The following SEZ6L variants were observed in gnomAD, a reference collection of about 807,000 sequenced individuals.
The protein encoded by SEZ6L is seizure 6-like protein.
A neutral mutation model predicts 106.2 loss-of-function variants in SEZ6L; 37 were observed. The observed-to-expected ratio is 0.35, with a 90% CI of 0.27 to 0.46. The LOEUF (loss-of-function observed/expected upper bound fraction) is 0.46. SEZ6L is among the 20% of genes least tolerant of loss of function. The pLI, the probability that SEZ6L is intolerant of heterozygous loss-of-function variation, is 1.00. For synonymous variants in SEZ6L, 541 were observed against 570.4 expected, an observed-to-expected ratio of 0.95 and a Z score of 0.73; for missense variants, 1,172 against 1,332.8, an observed-to-expected ratio of 0.88 and a Z score of 1.88.
rs531002774 is a variant in SEZ6L at position 26,201,669 on chromosome 22, A to G, written c.94+31906A>G. On this transcript the variant is annotated intron_variant, in intron 1 of 16. Coordinates refer to ENST00000248933, the MANE Select transcript of SEZ6L (RefSeq NM_021115.5). ...CAATGACTACTTATATTTAAAGCCCATACTACCACTGCTTGTGACAACTGC... is the reference window on the plus strand; with the variant it reads ...CAATGACTACTTATATTTAAAGCCCGTACTACCACTGCTTGTGACAACTGC... Among the ~76,000 whole-genome samples, 153 of 152,338 alleles carry G rather than the reference A, an allele frequency of 1.0e-3. 1 individual carries two copies. The highest frequency in any genetic ancestry group is 3.6e-3 in the African/African-American group (151 of 41,594).
At chr22:26,306,246 G>T (rs1269537251) in intron 6 of SEZ6L, 102 bp downstream of exon 6, 12 of 1,327,546 alleles carry the variant, frequency 9.0e-6, no homozygotes, top group Non-Finnish European at 1.2e-5. Context: ...TTGACCCTCG[G>T]AATTCAAGAA....
At chr22:26,188,223 T>C (rs1009494444) in intron 1 of SEZ6L, among the ~76,000 whole-genome samples, 2 of 152,250 alleles carry the variant, frequency 1.3e-5, no homozygotes, top group East Asian at 3.8e-4. Flanking sequence ...ATATCCACTT[T>C]GTTTTAGTTA....
At chr22:26,308,153 A>G (rs1314969773) in intron 6 of SEZ6L, among the ~76,000 whole-genome samples, 2 of 152,200 alleles carry the variant, frequency 1.3e-5, no homozygotes, top group Non-Finnish European at 2.9e-5. Context: ...ATACCACAAT[A>G]TGTCAGTTGC....
chr22:26,315,515 A>G (rs1392470734), intron 9 of SEZ6L, among the ~76,000 whole-genome samples: 1 of 152,018 alleles, frequency 6.6e-6, no homozygotes, highest in Non-Finnish European at 1.5e-5. Flanking sequence ...CTGTCCCAGA[A>G]CCTCCTTCTC....
intron 1 of SEZ6L, among the ~76,000 whole-genome samples, chr22:26,201,610 A>G (rs1314949517): frequency 1.3e-5 from 2 of 152,080 alleles, no homozygotes; most frequent in African/African-American, 4.8e-5. Flanking sequence ...TGGAGGCGGT[A>G]GAAGGGTGGG....
chr22:26,331,406 C>T (rs2082476428), intron 9 of SEZ6L, among the ~76,000 whole-genome samples: 2 of 152,134 alleles, frequency 1.3e-5, no homozygotes, highest in Non-Finnish European at 2.9e-5. Flanking sequence ...AATTGAGTTT[C>T]CCATCCTTCC....
chr22:26,213,053 T>C (rs1157125107), intron 1 of SEZ6L, among the ~76,000 whole-genome samples: 2 of 152,096 alleles, frequency 1.3e-5, no homozygotes, highest in African/African-American at 4.8e-5. Flanking sequence ...GAGGGCTGGG[T>C]TCTAAATCCT....
At chr22:26,205,893 C>T (rs1413294267) in intron 1 of SEZ6L, among the ~76,000 whole-genome samples, 2 of 152,064 alleles carry the variant, frequency 1.3e-5, no homozygotes, top group Non-Finnish European at 2.9e-5. Flanking sequence ...GCTGTCCAGG[C>T]CACCATTCCC....
intron 1 of SEZ6L, among the ~76,000 whole-genome samples, chr22:26,277,086 T>G (rs1245359922): frequency 6.6e-6 from 1 of 150,874 alleles, no homozygotes; most frequent in South Asian, 2.1e-4. Context: ...TAATTACTCT[T>G]GTAGCCGAAA....
At chr22:26,175,391 T>C (rs1263762262) in intron 1 of SEZ6L, among the ~76,000 whole-genome samples, 1 of 152,194 alleles carries the variant, frequency 6.6e-6, no homozygotes, top group African/African-American at 2.4e-5. Context: ...AAACCAAGGC[T>C]TAGAGAAGCT....
At chr22:26,301,922 G>A (rs1401621716) in intron 5 of SEZ6L, among the ~76,000 whole-genome samples, 2 of 152,232 alleles carry the variant, frequency 1.3e-5, no homozygotes, top group African/African-American at 4.8e-5. Context: ...GTCATGAGAA[G>A]ACAGGTGGAC....
intron 1 of SEZ6L, among the ~76,000 whole-genome samples, chr22:26,288,915 CA>C (rs142640451): frequency 4.0e-5 from 6 of 150,998 alleles, no homozygotes; most frequent in East Asian, 1.9e-4. Flanking sequence ...CCAGATAACC[CA>C]AAAAAAAACC....
At chr22:26,339,403 T>G (rs753089207) in intron 9 of SEZ6L, among the ~76,000 whole-genome samples, 49 of 152,244 alleles carry the variant, frequency 3.2e-4, no homozygotes, top group Non-Finnish European at 5.9e-4. Flanking sequence ...TTATCTGGCA[T>G]TCTTTCAATT....
At chr22:26,315,157 C>T (rs919810823) in intron 9 of SEZ6L, among the ~76,000 whole-genome samples, 2 of 152,152 alleles carry the variant, frequency 1.3e-5, no homozygotes, top group African/African-American at 2.4e-5. Context: ...TATTAGTGAC[C>T]GGCTTTTGAG....
chr22:26,219,924 C>T (rs968860856), intron 1 of SEZ6L, among the ~76,000 whole-genome samples: 3 of 152,180 alleles, frequency 2.0e-5, no homozygotes, highest in African/African-American at 7.2e-5. Context: ...CAAACCTGCA[C>T]ATCCAGCACA....
intron 1 of SEZ6L, among the ~76,000 whole-genome samples, chr22:26,275,584 G>A (rs948290928): frequency 6.6e-6 from 1 of 152,208 alleles, no homozygotes; most frequent in East Asian, 1.9e-4. Context: ...AAAGGCTGCA[G>A]AGTGAGTTAA....
chr22:26,308,327 A>G (rs2081703122), intron 6 of SEZ6L, among the ~76,000 whole-genome samples: 1 of 150,776 alleles, frequency 6.6e-6, no homozygotes. Flanking sequence ...GAATTAGCAA[A>G]TTTGTTGGGG....
intron 1 of SEZ6L, among the ~76,000 whole-genome samples, chr22:26,258,055 G>A (rs183547676): frequency 7.9e-5 from 12 of 152,268 alleles, no homozygotes; most frequent in African/African-American, 2.4e-4. Context: ...CTTCCGGAAT[G>A]AGTCTGTCAT....
At chr22:26,238,301 G>A (rs1445374579) in intron 1 of SEZ6L, among the ~76,000 whole-genome samples, 4 of 152,196 alleles carry the variant, frequency 2.6e-5, no homozygotes, top group Non-Finnish European at 5.9e-5. Context: ...GAGCCACTAC[G>A]GGGCAAAGCA....
Sources: gnomAD v4.1 joint callset for allele counts (sites outside exome capture counted in the v4.1 genomes callset) on GRCh38, gnomAD v4.1.1 for gene constraint, MANE v1.5 for transcripts, NCBI Gene and HGNC (gene_info 2026-07-23, HGNC 2026-07-21) for gene names.